PDZRN4: variants seen among roughly 807,000 people sequenced by gnomAD.
PDZRN4 encodes PDZ domain containing ring finger 4.
PDZRN4 carries 70 observed loss-of-function variants against 99.0 expected under a neutral mutation model. The ratio of observed to expected loss-of-function variants is 0.71; its 90% confidence interval spans 0.58 to 0.86. PDZRN4 has a LOEUF of 0.86. PDZRN4 is among the 40% of genes least tolerant of loss of function. PDZRN4 has a pLI of 0.00. For missense variants in PDZRN4, 1,474 were observed against 1,331.2 expected, an observed-to-expected ratio of 1.11 and a Z score of -1.67; for synonymous variants, 551 against 501.6, an observed-to-expected ratio of 1.10 and a Z score of -1.32.
At chr12:41,290,090 G>A (rs965802945) in intron 3 of PDZRN4, among the ~76,000 whole-genome samples, 2 of 152,170 alleles carry the variant, frequency 1.3e-5, no homozygotes, top group African/African-American at 2.4e-5. Context: ...AGGTTCATGT[G>A]TAGTTGGAGA....
chr12:41,242,032 T>C (rs1277583966), intron 3 of PDZRN4, among the ~76,000 whole-genome samples: 1 of 152,192 alleles, frequency 6.6e-6, no homozygotes, highest in Admixed American at 6.5e-5. Flanking sequence ...GTGTGAGAGA[T>C]CTGCCTGCTC....
At chr12:41,277,970 T>C (rs1164790176) in intron 3 of PDZRN4, among the ~76,000 whole-genome samples, 1 of 152,194 alleles carries the variant, frequency 6.6e-6, no homozygotes, top group African/African-American at 2.4e-5. Flanking sequence ...CGGCAAAGAA[T>C]TTAAGGCTAA....
intron 3 of PDZRN4, among the ~76,000 whole-genome samples, chr12:41,314,950 A>G (rs1468088723): frequency 6.6e-6 from 1 of 152,102 alleles, no homozygotes; most frequent in African/African-American, 2.4e-5. Context: ...TTAAGTCATC[A>G]AGAATGGTAA....
At chr12:41,476,905 T>C (rs1213031109) in intron 3 of PDZRN4, among the ~76,000 whole-genome samples, 1 of 152,170 alleles carries the variant, frequency 6.6e-6, no homozygotes, top group East Asian at 1.9e-4. Context: ...AAGCCAAGCT[T>C]CCTCCCCTCT....
At chr12:41,191,756 A>ATTTATTTC (rs1950736832) in intron 2 of PDZRN4, among the ~76,000 whole-genome samples, 1 of 58,330 alleles carries the variant, frequency 1.7e-5, no homozygotes, top group African/African-American at 6.2e-5. Flanking sequence ...TTATTTATTT[A>ATTTATTTC]TTTATTTATT....
At position 41,573,406 on chromosome 12, in the gene PDZRN4, G is replaced by T. The variant is rs763397692; in HGVS notation, c.2627G>T (p.Cys876Phe). The part of the protein sequence containing the change: ...AQSQLSLVSM[C>F]KESQKCSEPK... Reference sequence around the variant, plus strand: ...AGTCAGCTCAGCTTGGTGAGCATGTGCAAGGAGTCTCAGAAGTGTTCAGAG... The same window carrying T: ...AGTCAGCTCAGCTTGGTGAGCATGTTCAAGGAGTCTCAGAAGTGTTCAGAG... The change falls in exon 10 of 10, where the codon TGC becomes TTC. Residue 876 changes from cysteine to phenylalanine, a missense_variant. By Grantham distance (205) the Cys-to-Phe change is radical. Transcript: ENST00000402685. 6.2e-7 allele frequency: 1 copy of T among 1,613,472 alleles called. No homozygotes were observed.
chr12:41,492,460 A>T (rs1937906402), intron 3 of PDZRN4, among the ~76,000 whole-genome samples: 1 of 152,176 alleles, frequency 6.6e-6, no homozygotes, highest in Non-Finnish European at 1.5e-5. Flanking sequence ...ACGAGTGTTT[A>T]CTATTCAAAG....
intron 3 of PDZRN4, among the ~76,000 whole-genome samples, chr12:41,206,949 G>T (rs77389539): frequency 1.6e-4 from 25 of 151,692 alleles, no homozygotes; most frequent in Admixed American, 1.6e-3. Context: ...ATTTTGCTTC[G>T]CAATTCTTTG....
intron 9 of PDZRN4, among the ~76,000 whole-genome samples, chr12:41,570,231 A>G (rs929329821): frequency 2.0e-5 from 3 of 152,202 alleles, no homozygotes; most frequent in Non-Finnish European, 4.4e-5. Context: ...AGAAACCTTT[A>G]AAAGTCCTTT....
At chr12:41,501,497 CAGA>C (rs1311618732) in intron 3 of PDZRN4, among the ~76,000 whole-genome samples, 4 of 152,148 alleles carry the variant, frequency 2.6e-5, no homozygotes, top group African/African-American at 9.7e-5. Flanking sequence ...ATTCATTAAA[CAGA>C]AGCTTCATCA....
intron 3 of PDZRN4, among the ~76,000 whole-genome samples, chr12:41,322,801 T>G (rs954291251): frequency 4.6e-5 from 7 of 152,144 alleles, no homozygotes; most frequent in Non-Finnish European, 8.8e-5. Context: ...GGGCAAAATT[T>G]TCTTAAAGTT....
chr12:41,188,402 G>A lies in PDZRN4; in HGVS notation c.-54G>A. ...GGGGGTGGCCCGGGGAAGGCAGGGG[G>A]GCTCGGAGAAGACGGACTCTGCTTT... On this transcript the variant is annotated 5_prime_UTR_variant, in exon 1 of 10. Coordinates refer to ENST00000402685, the MANE Select transcript of PDZRN4 (RefSeq NM_001164595.2). 3 of 1,446,902 alleles carry A rather than the reference G, an allele frequency of 2.1e-6. No homozygotes were observed. The highest frequency in any genetic ancestry group is 2.6e-5 in the East Asian group (1 of 37,922). The allele number at this position is 1,446,902 out of a possible 1,614,324, so 89.6% of individuals were successfully genotyped here. A position where few individuals can be genotyped will look rare whatever the true frequency, so the allele number is the denominator to read the frequency against.
intron 3 of PDZRN4, among the ~76,000 whole-genome samples, chr12:41,352,566 A>G (rs1011750742): frequency 6.6e-6 from 1 of 152,170 alleles, no homozygotes; most frequent in African/African-American, 2.4e-5. Flanking sequence ...AAAAAATTAT[A>G]TGAGAGTTCA....
chr12:41,501,460 T>A (rs1184564117), intron 3 of PDZRN4, among the ~76,000 whole-genome samples: 1 of 152,116 alleles, frequency 6.6e-6, no homozygotes, highest in Non-Finnish European at 1.5e-5. Flanking sequence ...TGGCCCAGAT[T>A]TTGCAGTATA....
At chr12:41,499,000 A>G (rs1221386950) in intron 3 of PDZRN4, among the ~76,000 whole-genome samples, 1 of 152,084 alleles carries the variant, frequency 6.6e-6, no homozygotes, top group Non-Finnish European at 1.5e-5. Flanking sequence ...TTAATTGAAG[A>G]AAGTTTAATG....
intron 5 of PDZRN4, among the ~76,000 whole-genome samples, chr12:41,521,575 C>T (rs1171682680): frequency 6.6e-6 from 1 of 152,006 alleles, no homozygotes; most frequent in African/African-American, 2.4e-5. Flanking sequence ...TGACATGGTG[C>T]ATATGAACCA....
chr12:41,510,020 A>T, intron 5 of PDZRN4, 107 bp downstream of exon 5: 1 of 577,252 alleles, frequency 1.7e-6, no homozygotes, highest in South Asian at 2.4e-5. Context: ...CTTGTCTATT[A>T]CATATCCAGT....
intron 3 of PDZRN4, among the ~76,000 whole-genome samples, chr12:41,503,581 TA>T (rs1348902631): frequency 6.6e-6 from 1 of 152,182 alleles, no homozygotes; most frequent in Admixed American, 6.5e-5. Flanking sequence ...CTACTTAGCT[TA>T]TAGTAACACA....
intron 3 of PDZRN4, among the ~76,000 whole-genome samples, chr12:41,416,549 C>T (rs567822155): frequency 3.9e-5 from 6 of 152,076 alleles, no homozygotes; most frequent in South Asian, 4.2e-4. Context: ...GGAGGCTACT[C>T]GGGAGGCTGA....
Sources: allele counts gnomAD v4.1 joint callset (sites outside exome capture counted in the v4.1 genomes callset), GRCh38; gene constraint gnomAD v4.1.1; transcripts MANE v1.5; gene names NCBI Gene and HGNC (gene_info 2026-07-23, HGNC 2026-07-21).